PDE11A: variants seen among roughly 807,000 people sequenced by gnomAD.
PDE11A encodes the protein dual 3',5'-cyclic-AMP and -GMP phosphodiesterase 11A.
Under a neutral mutation model 100.5 loss-of-function variants are expected in PDE11A, and 100 were observed. That is an observed-to-expected ratio of 1.00 (90% CI 0.85 to 1.18). The LOEUF (loss-of-function observed/expected upper bound fraction) is 1.18. PDE11A is among the 50% of genes most tolerant of loss of function. PDE11A has a pLI of 0.00. For synonymous variants in PDE11A, 381 were observed against 420.8 expected (o/e 0.91, Z 1.16); for missense variants, 1,141 against 1,152.6 (o/e 0.99, Z 0.15).
chr2:177,972,730 G>A (rs2085787984), intron 2 of PDE11A, among the ~76,000 whole-genome samples: 1 of 152,146 alleles, frequency 6.6e-6, no homozygotes, highest in African/African-American at 2.4e-5. Context: ...ACATCGGTGG[G>A]ACAGAGGCTA....
intron 17 of PDE11A, among the ~76,000 whole-genome samples, chr2:177,671,736 ACT>A (rs1242918156): frequency 1.3e-5 from 2 of 151,038 alleles, no homozygotes; most frequent in South Asian, 4.2e-4. Context: ...TTCAACAGAA[ACT>A]CACATCCAGA....
At chr2:177,845,732 C>G (rs1457894333) in intron 5 of PDE11A, among the ~76,000 whole-genome samples, 2 of 152,200 alleles carry the variant, frequency 1.3e-5, no homozygotes, top group African/African-American at 4.8e-5. Flanking sequence ...GCACTCCAGC[C>G]TGGGCACCAT....
At chr2:178,094,339 G>A (rs187244961) in intron 2 of PDE11A, among the ~76,000 whole-genome samples, 87 of 152,010 alleles carry the variant, frequency 5.7e-4, no homozygotes, top group African/African-American at 1.9e-3. Context: ...GACCAGCCTT[G>A]GTGACGTGGT....
In PDE11A at chr2:177,769,158, C is replaced by A. The variant is rs570227383; in HGVS notation, c.1788+165G>T. ...AATGACTACTCAGTTATACAAAAGT[C>A]CTTCTTCCCCTCTAAAACAGAAATA... On this transcript the variant is annotated intron_variant, in intron 10 of 19. Transcript: ENST00000286063. Among the ~76,000 whole-genome samples, 154 of 152,246 alleles carry A rather than the reference C, an allele frequency of 1.0e-3. 1 individual carries two copies. The highest frequency in any genetic ancestry group is 5.2e-3 in the Admixed American group (80 of 15,300).
At chr2:177,764,513 T>G (rs1039346841) in intron 10 of PDE11A, among the ~76,000 whole-genome samples, 1 of 152,232 alleles carries the variant, frequency 6.6e-6, no homozygotes, top group Non-Finnish European at 1.5e-5. Context: ...TTAAGGAAAG[T>G]CCATAAAATT....
intron 9 of PDE11A, among the ~76,000 whole-genome samples, chr2:177,785,517 A>G (rs1185103315): frequency 6.6e-6 from 1 of 152,174 alleles, no homozygotes; most frequent in Non-Finnish European, 1.5e-5. Flanking sequence ...CTCACTAGGG[A>G]GTGCCAGACA....
Position 177,817,929 on chromosome 2 carries a change from TG to T in PDE11A, c.1577-5del. 7.2e-7 allele frequency: 1 copy of T among 1,387,326 alleles called. No homozygotes were observed. The highest frequency in any genetic ancestry group is 1.0e-6 in the Non-Finnish European group (1 of 976,058). The allele number at this position is 1,387,326 out of a possible 1,614,324, so 85.9% of individuals were successfully genotyped here. A position where few individuals can be genotyped will look rare whatever the true frequency, so the allele number is the denominator to read the frequency against. On this transcript the variant is annotated splice_polypyrimidine_tract_variant and splice_region_variant and intron_variant, in intron 7 of 19. Transcript: ENST00000286063. Reference sequence around the variant, plus strand: ...CTGTTTAACACTTGAGCCACTCCTATGGGGAAAGAGTGGATTATGTGGTCAT... The same window carrying T: ...CTGTTTAACACTTGAGCCACTCCTATGGGAAAGAGTGGATTATGTGGTCAT...
intron 2 of PDE11A, among the ~76,000 whole-genome samples, chr2:178,094,660 G>A (rs1471499935): frequency 2.6e-5 from 4 of 152,204 alleles, no homozygotes; most frequent in Non-Finnish European, 4.4e-5. Context: ...AGGGCTCAAA[G>A]TAGAGTGTTC....
intron 3 of PDE11A, among the ~76,000 whole-genome samples, chr2:177,903,721 G>C (rs1049995817): frequency 1.3e-5 from 2 of 152,194 alleles, no homozygotes; most frequent in Non-Finnish European, 2.9e-5. Context: ...TAATCAGAAA[G>C]CTGAGCTGGG....
intron 2 of PDE11A, among the ~76,000 whole-genome samples, chr2:177,965,022 C>T (rs1574312077): frequency 6.6e-6 from 1 of 152,152 alleles, no homozygotes; most frequent in East Asian, 1.9e-4. Context: ...TCTACAACCT[C>T]ACAAGCATCT....
In PDE11A at chr2:177,781,632, G is replaced by T. The variant is rs184048618; in HGVS notation, c.1738-12259C>A. Among the ~76,000 whole-genome samples, 3 of 152,116 alleles carry T rather than the reference G, an allele frequency of 2.0e-5. No homozygotes were observed. The East Asian group carries it at 5.8e-4, about 29-fold the overall frequency. ...ATTCTCCTGACTCAGCCTCCAAGTAGCTGGGACTACAGGTGCGTGCCACCA... is the reference window on the plus strand; with the variant it reads ...ATTCTCCTGACTCAGCCTCCAAGTATCTGGGACTACAGGTGCGTGCCACCA... On this transcript the variant is annotated intron_variant, in intron 9 of 19. Coordinates refer to ENST00000286063, the MANE Select transcript of PDE11A (RefSeq NM_016953.4).
chr2:177,831,285 C>G (rs571433815), intron 6 of PDE11A, among the ~76,000 whole-genome samples: 2 of 152,192 alleles, frequency 1.3e-5, no homozygotes, highest in East Asian at 3.9e-4. Flanking sequence ...TTAAAGACAT[C>G]CCTTTGTAGC....
intron 5 of PDE11A, among the ~76,000 whole-genome samples, chr2:177,875,409 G>A (rs975397765): frequency 3.3e-5 from 5 of 151,256 alleles, no homozygotes; most frequent in Middle Eastern, 3.4e-3. Flanking sequence ...GCAGAGTCTC[G>A]CTCTGTCACC....
chr2:178,078,280 T>C (rs1208313608), intron 2 of PDE11A, among the ~76,000 whole-genome samples: 2 of 152,192 alleles, frequency 1.3e-5, no homozygotes, highest in East Asian at 1.9e-4. Flanking sequence ...CTGTGTCCTA[T>C]GTGTCCTGCT....
chr2:177,670,333 C>T (rs998949695), intron 17 of PDE11A, among the ~76,000 whole-genome samples: 13 of 152,146 alleles, frequency 8.5e-5, no homozygotes, highest in East Asian at 1.9e-4. Context: ...ACTTTTAATC[C>T]ATTAGCTTGG....
intron 1 of PDE11A, among the ~76,000 whole-genome samples, chr2:178,052,124 C>T (rs945334196): frequency 1.3e-5 from 2 of 152,164 alleles, no homozygotes; most frequent in African/African-American, 4.8e-5. Flanking sequence ...TACAGCACTC[C>T]TCAGCAAATG....
At chr2:177,973,367 C>T (rs1355220921) in intron 2 of PDE11A, among the ~76,000 whole-genome samples, 2 of 61,366 alleles carry the variant, frequency 3.3e-5, no homozygotes, top group South Asian at 6.2e-4. Flanking sequence ...CCGAATATTG[C>T]GCTTTTCAGA....
At chr2:177,708,688 G>T (rs2081315644) in intron 13 of PDE11A, among the ~76,000 whole-genome samples, 2 of 152,206 alleles carry the variant, frequency 1.3e-5, no homozygotes, top group Admixed American at 6.5e-5. Flanking sequence ...ATCTGTTAAA[G>T]AAATCAGGAA....
intron 6 of PDE11A, among the ~76,000 whole-genome samples, chr2:177,822,531 C>T (rs2083156895): frequency 6.6e-6 from 1 of 152,120 alleles, no homozygotes; most frequent in Non-Finnish European, 1.5e-5. Context: ...AGTGCAAATC[C>T]TCCAACTTTT....
Sources: allele counts gnomAD v4.1 joint callset (sites outside exome capture counted in the v4.1 genomes callset), GRCh38; gene constraint gnomAD v4.1.1; transcripts MANE v1.5; gene names NCBI Gene and HGNC (gene_info 2026-07-23, HGNC 2026-07-21).